The following GRID2 variants were observed in gnomAD, a reference collection of about 807,000 sequenced individuals.
GRID2 encodes glutamate ionotropic receptor delta type subunit 2, also known as glutamate receptor ionotropic, delta-2.
In GRID2, 33 loss-of-function variants were observed where a neutral mutation model predicts 114.8. The ratio of observed to expected loss-of-function variants is 0.29; its 90% CI spans 0.22 to 0.38. The LOEUF (loss-of-function observed/expected upper bound fraction) is 0.38. Among genes scored for constraint, GRID2 ranks in the 10% least tolerant of loss-of-function variants. The pLI is 1.00. For missense variants in GRID2, 1,184 were observed against 1,257.7 expected (o/e 0.94, Z 0.89); for synonymous variants, 505 against 449.9 (o/e 1.12, Z -1.55).
intron 8 of GRID2, among the ~76,000 whole-genome samples, chr4:93,250,161 A>G (rs139624867): frequency 0.011 from 1,725 of 152,356 alleles, 38 homozygotes; most frequent in African/African-American, 0.04. Context: ...AATACTATGC[A>G]GCCATAAAAA....
chr4:93,227,791 T>G (rs191513532), intron 7 of GRID2, among the ~76,000 whole-genome samples: 1 of 152,350 alleles, frequency 6.6e-6, no homozygotes, highest in Admixed American at 6.5e-5. Context: ...CCAGGGTGTT[T>G]GTTACTTTAC....
At chr4:93,195,071 T>A (rs1347554217) in intron 4 of GRID2, among the ~76,000 whole-genome samples, 1 of 152,212 alleles carries the variant, frequency 6.6e-6, no homozygotes, top group Non-Finnish European at 1.5e-5. Flanking sequence ...CTAATTTTTT[T>A]ATGTATAGGA....
At chr4:93,783,001 C>CTTTCAA (rs1349255562) in intron 1 of GRID2, among the ~76,000 whole-genome samples, 1 of 152,082 alleles carries the variant, frequency 6.6e-6, no homozygotes, top group African/African-American at 2.4e-5. Context: ...CAATGTAAGA[C>CTTTCAA]TTTCAAAGTA....
rs201218089 is a variant in GRID2 at position 93,316,142 on chromosome 4, T to TG, written c.1245+77656dup. Among the ~76,000 whole-genome samples the TG allele has an allele frequency of 6.2e-4, 94 of 151,510 alleles. No homozygotes were observed. The East Asian group carries it at 9.9e-3, about 16-fold the overall frequency. On this transcript the variant is annotated intron_variant, in intron 8 of 15. Coordinates refer to ENST00000282020, the MANE Select transcript of GRID2 (RefSeq NM_001510.4). ...TTTTGGAAGCTGGAAAGAACATAGT[T>TG]GGGGAAAATAATCTCAAAAAGGGGA...
At chr4:93,663,151 A>G (rs1180241826) in intron 14 of GRID2, among the ~76,000 whole-genome samples, 1 of 152,332 alleles carries the variant, frequency 6.6e-6, no homozygotes, top group African/African-American at 2.4e-5. Flanking sequence ...TCATGCTATC[A>G]TAACCCAAAT....
chr4:92,437,848 A>G (rs1732813975), intron 1 of GRID2, among the ~76,000 whole-genome samples: 1 of 152,250 alleles, frequency 6.6e-6, no homozygotes, highest in African/African-American at 2.4e-5. Context: ...TACCTAAAGA[A>G]AACAAAATTG....
chr4:92,831,100 T>C (rs960209602), intron 2 of GRID2, among the ~76,000 whole-genome samples: 9 of 152,156 alleles, frequency 5.9e-5, no homozygotes, highest in African/African-American at 2.2e-4. Flanking sequence ...AGTTTTTAAA[T>C]TGTTACTATA....
intron 2 of GRID2, among the ~76,000 whole-genome samples, chr4:92,947,819 A>G (rs931107039): frequency 3.3e-5 from 5 of 151,896 alleles, no homozygotes; most frequent in African/African-American, 1.2e-4. Context: ...CATATATATC[A>G]CAAGCTTTTA....
At chr4:93,126,584 CTTTTTTTT>C (rs60017147) in intron 4 of GRID2, among the ~76,000 whole-genome samples, 1,118 of 52,576 alleles carry the variant, frequency 0.021, no homozygotes, top group Non-Finnish European at 0.03. Flanking sequence ...CTATTTAATT[CTTTTTTTT>C]TTTTTTTTTT....
intron 2 of GRID2, among the ~76,000 whole-genome samples, chr4:92,945,572 G>A (rs921389449): frequency 1.2e-4 from 19 of 152,230 alleles, no homozygotes; most frequent in South Asian, 2.1e-4. Flanking sequence ...GTTATCCTTC[G>A]TTTTCTCTAT....
rs1028773597 is a variant in GRID2, at chr4:92,652,747, G to T, written c.244+62461G>T. 3.5e-5 allele frequency among the ~76,000 whole-genome samples: 5 copies of T among 142,278 alleles called. No homozygotes were observed. In the East Asian group the frequency reaches 1.1e-3, roughly 32 times the overall value. 93.3% of individuals were successfully genotyped at this position (142,278 alleles called of 152,430 possible). On this transcript the variant is annotated intron_variant, in intron 2 of 15. Transcript: ENST00000282020. ...GCACTTTGGGAGGCTGGGGGGGTTG[G>T]GGGGTGGATCACAAGATCAGGAGTT...
At chr4:92,382,806 T>A (rs1729684595) in intron 1 of GRID2, among the ~76,000 whole-genome samples, 2 of 151,998 alleles carry the variant, frequency 1.3e-5, no homozygotes, top group African/African-American at 4.8e-5. Context: ...TTCCATTCAG[T>A]TAGTCATATG....
chr4:93,295,754 A>G (rs1215258118), intron 8 of GRID2, among the ~76,000 whole-genome samples: 1 of 152,192 alleles, frequency 6.6e-6, no homozygotes, highest in East Asian at 1.9e-4. Flanking sequence ...AATTATTTAT[A>G]GGCTTTAATG....
intron 4 of GRID2, among the ~76,000 whole-genome samples, chr4:93,187,283 C>G (rs576408557): frequency 6.6e-6 from 1 of 150,562 alleles, no homozygotes; most frequent in Admixed American, 6.6e-5. Flanking sequence ...CTTTTTTTTT[C>G]TTTTCTTTTT....
rs1560696812 is a variant in GRID2 at position 92,537,787 on chromosome 4, GTGTGTGT to G, written c.89-52343_89-52337del. On this transcript the variant is annotated intron_variant, in intron 1 of 15. Coordinates refer to ENST00000282020, the MANE Select transcript of GRID2 (RefSeq NM_001510.4). ...GATCTGCTTTCCAAAAACTTGCGGT[GTGTGTGT>G]GTGTGTGTGTGTGTGTGTGTGTGTG... is the stretch of plus-strand genomic sequence containing the variant. Among the ~76,000 whole-genome samples the G allele has an allele frequency of 8.6e-3, 882 of 102,538 alleles. 9 individuals carry two copies. The highest frequency in any genetic ancestry group is 0.019 in the Middle Eastern group (4 of 208). 67.3% of individuals were successfully genotyped at this position (102,538 alleles called of 152,430 possible).
intron 13 of GRID2, among the ~76,000 whole-genome samples, chr4:93,615,449 A>T (rs1741521538): frequency 6.6e-6 from 1 of 152,126 alleles, no homozygotes; most frequent in Admixed American, 6.6e-5. Context: ...AGAAATAGAG[A>T]AAGTCTTTAT....
intron 2 of GRID2, among the ~76,000 whole-genome samples, chr4:93,031,244 C>T (rs550224673): frequency 1.3e-5 from 2 of 152,042 alleles, no homozygotes; most frequent in East Asian, 1.9e-4. Flanking sequence ...CTGGGTTTCA[C>T]CATATTGGCC....
chr4:93,594,428 C>G (rs13119637), intron 13 of GRID2, among the ~76,000 whole-genome samples: 1 of 151,548 alleles, frequency 6.6e-6, no homozygotes, highest in African/African-American at 2.4e-5. Flanking sequence ...TCTCCAGCTG[C>G]GTACTGGGAG....
At chr4:92,502,976 A>G (rs1306658609) in intron 1 of GRID2, among the ~76,000 whole-genome samples, 1 of 152,012 alleles carries the variant, frequency 6.6e-6, no homozygotes, top group East Asian at 1.9e-4. Flanking sequence ...TTAGCTTCCC[A>G]AAGTGCTGGG....
Sources: gnomAD v4.1 joint callset for allele counts (sites outside exome capture counted in the v4.1 genomes callset) on GRCh38, gnomAD v4.1.1 for gene constraint, MANE v1.5 for transcripts, NCBI Gene and HGNC (gene_info 2026-07-23, HGNC 2026-07-21) for gene names.